DPYSL5: variants seen among roughly 807,000 people sequenced by gnomAD.
DPYSL5 encodes the protein dihydropyrimidinase like 5.
A neutral mutation model predicts 58.4 loss-of-function variants in DPYSL5; 9 were observed. The observed-to-expected ratio is 0.15, with a 90% CI of 0.09 to 0.27. The LOEUF is 0.27. DPYSL5 is among the 10% of genes least tolerant of loss of function. The pLI is 1.00. For synonymous variants in DPYSL5, 293 were observed against 301.9 expected (o/e 0.97, Z 0.31); for missense variants, 499 against 770.6 (o/e 0.65, Z 4.17).
intron 1 of DPYSL5, among the ~76,000 whole-genome samples, chr2:26,853,534 AG>A (rs1325817931): frequency 6.6e-6 from 1 of 152,224 alleles, no homozygotes. Flanking sequence ...CTTGAACTCA[AG>A]GGGTTTGATT....
rs1664863707 is a variant in DPYSL5 at position 26,927,787 on chromosome 2, A to G, written c.600+355A>G. 6.6e-6 allele frequency among the ~76,000 whole-genome samples: 1 copy of G among 152,152 alleles called. No individual in the cohort carries two copies. Among genetic ancestry groups the G allele is most frequent in the Non-Finnish European group, 1.5e-5 (1 of 68,034 alleles). Reference sequence around the variant, plus strand: ...CAGAATAAATAAGAATCCGCTTCCCATTTGGCCTCTTCAGAGGATCTGAGA... The same window carrying G: ...CAGAATAAATAAGAATCCGCTTCCCGTTTGGCCTCTTCAGAGGATCTGAGA... On this transcript the variant is annotated intron_variant, in intron 4 of 12. Coordinates refer to ENST00000288699, the MANE Select transcript of DPYSL5 (RefSeq NM_020134.4). This position sits in a 1 kb window ranked among gnomAD's most constrained non-coding sequence, Gnocchi z 4.3.
intron 2 of DPYSL5, among the ~76,000 whole-genome samples, chr2:26,907,643 G>T (rs1463970359): frequency 6.6e-6 from 1 of 152,010 alleles, no homozygotes; most frequent in East Asian, 1.9e-4. Flanking sequence ...GCCCTCCATG[G>T]ACACCCCATG....
intron 1 of DPYSL5, among the ~76,000 whole-genome samples, chr2:26,884,163 G>C (rs1366405013): frequency 6.6e-6 from 1 of 152,204 alleles, no homozygotes. Context: ...AGTCGGTGCC[G>C]GGTGGGCGAG....
intron 1 of DPYSL5, among the ~76,000 whole-genome samples, chr2:26,893,863 G>T (rs1294571699): frequency 1.3e-5 from 2 of 152,018 alleles, no homozygotes; most frequent in East Asian, 3.9e-4. Context: ...GTATAAAAGT[G>T]GGCTTTATTT....
Position 26,901,581 on chromosome 2 carries a change from C to T in DPYSL5, c.261+2821C>T, listed in dbSNP as rs1423537726. On this transcript the variant is annotated intron_variant, in intron 2 of 12. Coordinates refer to ENST00000288699, the MANE Select transcript of DPYSL5 (RefSeq NM_020134.4). ...GAGGCCGCGCACCCTGATGGACCGC[C>T]GCTGACCTACTTAGTATGCTCTAAG... Among the ~76,000 whole-genome samples the T allele has an allele frequency of 3.9e-5, 6 of 152,288 alleles. No homozygotes were observed. The Middle Eastern group carries it at 0.01, about 259-fold the overall frequency.
At chr2:26,901,397 T>A (rs1275056565) in intron 2 of DPYSL5, among the ~76,000 whole-genome samples, 1 of 152,006 alleles carries the variant, frequency 6.6e-6, no homozygotes, top group Non-Finnish European at 1.5e-5. Flanking sequence ...ACCCCTCCAC[T>A]CCACACCAAG....
Position 26,942,901 on chromosome 2 carries a change from A to G in DPYSL5, c.1440+151A>G, listed in dbSNP as rs1665363225. 1 of 900,674 alleles carries G rather than the reference A, an allele frequency of 1.1e-6. No individual in the cohort carries two copies. Among genetic ancestry groups the G allele is most frequent in the Non-Finnish European group, 1.7e-6 (1 of 601,066 alleles). The allele number at this position is 900,674 out of a possible 1,614,324, so 55.8% of individuals were successfully genotyped here. ...CAGCGTTGAGAGGGGAGTGTGCGGC[A>G]GCGCCAGGGAACGCTAGAGTCAGAA... On this transcript the variant is annotated intron_variant, in intron 11 of 12. Coordinates refer to ENST00000288699, the MANE Select transcript of DPYSL5 (RefSeq NM_020134.4). This position sits in a 1 kb window ranked among gnomAD's most constrained non-coding sequence, Gnocchi z 5.9.
rs1158796429 is a variant in DPYSL5 at position 26,944,918 on chromosome 2, T to C, written c.1609+94T>C. Reference sequence around the variant, plus strand: ...TTACGCCTGCTTTTCTTTTGTGTCCTCTCCTCCCTCCCGTTGCCTATTTCC... The same window carrying C: ...TTACGCCTGCTTTTCTTTTGTGTCCCCTCCTCCCTCCCGTTGCCTATTTCC... On this transcript the variant is annotated intron_variant, in intron 12 of 12. Transcript: ENST00000288699. This position sits in a 1 kb window ranked among gnomAD's most constrained non-coding sequence, Gnocchi z 4.4. 4 of 1,211,688 alleles carry C rather than the reference T, an allele frequency of 3.3e-6. No individual in the cohort carries two copies. The highest frequency in any genetic ancestry group is 3.5e-6 in the Non-Finnish European group (3 of 855,602). The allele number at this position is 1,211,688 out of a possible 1,614,324, so 75.1% of individuals were successfully genotyped here.
At chr2:26,874,825 A>G (rs1225753473) in intron 1 of DPYSL5, among the ~76,000 whole-genome samples, 5 of 152,180 alleles carry the variant, frequency 3.3e-5, no homozygotes, top group African/African-American at 9.7e-5. Context: ...TAGGTCGTAC[A>G]TATTTTATAT....
At position 26,942,610 on chromosome 2, in the gene DPYSL5, G is replaced by A. The variant is rs750067918; in HGVS notation, c.1300G>A (p.Gly434Ser). ...CCTGTATGAGAACATGCGCTGCCAC[G>A]GCGTGCCACTGGTCACCATCAGCCG... ...FNLYENMRCH[G>S]VPLVTISRGR... The change falls in exon 11 of 13, where the codon GGC (glycine) becomes AGC (serine). Residue 434 changes from glycine to serine, a missense_variant. This residue lies in a region of DPYSL5 where 404 missense variants were observed against 647.6 expected (regional missense o/e 0.62). Coordinates refer to ENST00000288699, the MANE Select transcript of DPYSL5 (RefSeq NM_020134.4). This position sits in a 1 kb window ranked among gnomAD's most constrained non-coding sequence, Gnocchi z 5.9. 2 of 1,614,150 alleles carry A rather than the reference G, an allele frequency of 1.2e-6. No individual in the cohort carries two copies. Among genetic ancestry groups the A allele is most frequent in the South Asian group, 2.2e-5 (2 of 91,074 alleles).
chr2:26,899,170 G>C (rs951345371), intron 2 of DPYSL5, among the ~76,000 whole-genome samples: 3 of 152,092 alleles, frequency 2.0e-5, no homozygotes, highest in Non-Finnish European at 2.9e-5. Flanking sequence ...AGACAAATTT[G>C]CTTCTTCTAG....
chr2:26,859,154 T>C (rs544031618), intron 1 of DPYSL5, among the ~76,000 whole-genome samples: 1 of 152,318 alleles, frequency 6.6e-6, no homozygotes, highest in Admixed American at 6.5e-5. Flanking sequence ...CTAGATTCCA[T>C]TTTTTTAATT....
At chr2:26,868,585 A>G (rs1024584965) in intron 1 of DPYSL5, among the ~76,000 whole-genome samples, 11 of 152,212 alleles carry the variant, frequency 7.2e-5, no homozygotes, top group Non-Finnish European at 1.2e-4. Flanking sequence ...CATTCATTGC[A>G]TAAGTCATTT....
In DPYSL5 at chr2:26,925,059, T is replaced by C; in HGVS notation, c.420+14T>C. ...TGGGCACCCAAGGTAACAGTGCTGG[T>C]GGGATCCCAGAAGAAGGCACAAGTG... On this transcript the variant is annotated intron_variant, in intron 3 of 12. Coordinates refer to ENST00000288699, the MANE Select transcript of DPYSL5 (RefSeq NM_020134.4). The surrounding 1 kb of genome is among the most constrained non-coding windows in gnomAD (Gnocchi z 4.5). The C allele has an allele frequency of 6.2e-7, 1 of 1,612,246 alleles. No homozygotes were observed. Among genetic ancestry groups the C allele is most frequent in the Non-Finnish European group, 8.5e-7 (1 of 1,178,946 alleles).
chr2:26,851,311 C>T (rs142477645), intron 1 of DPYSL5, among the ~76,000 whole-genome samples: 5 of 44,972 alleles, frequency 1.1e-4, no homozygotes, highest in Admixed American at 2.5e-4. Context: ...AATCCATAGA[C>T]AAGGAATGCC....
chr2:26,932,184 A>AC (rs1558351537), intron 6 of DPYSL5, among the ~76,000 whole-genome samples: 7 of 75,908 alleles, frequency 9.2e-5, no homozygotes, highest in South Asian at 5.2e-4. Context: ...AGAAAGAAAG[A>AC]AAGAAAGAAA....
At chr2:26,928,921 A>G (rs910013390) in intron 5 of DPYSL5, among the ~76,000 whole-genome samples, 1 of 151,774 alleles carries the variant, frequency 6.6e-6, no homozygotes, top group Admixed American at 6.6e-5. Flanking sequence ...TTCAGGTGTT[A>G]GAAGAAATTT....
At chr2:26,907,207 T>A (rs1482071855) in intron 2 of DPYSL5, among the ~76,000 whole-genome samples, 1 of 152,116 alleles carries the variant, frequency 6.6e-6, no homozygotes, top group Non-Finnish European at 1.5e-5. Flanking sequence ...CTCCGCCTCC[T>A]GGGTTCAAGC....
chr2:26,883,495 T>G (rs1460142736), intron 1 of DPYSL5, among the ~76,000 whole-genome samples: 6 of 152,138 alleles, frequency 3.9e-5, no homozygotes, highest in Middle Eastern at 6.8e-3. Flanking sequence ...GATCCCCGGG[T>G]TCAAGCAATT....
Sources: gnomAD v4.1 joint callset for allele counts (sites outside exome capture counted in the v4.1 genomes callset) on GRCh38, gnomAD v4.1.1 for gene constraint, gnomAD v4.1.1 regional missense constraint, Gnocchi (gnomAD v3.1) non-coding constraint, MANE v1.5 for transcripts, NCBI Gene and HGNC (gene_info 2026-07-23, HGNC 2026-07-21) for gene names.